The following CDH12 variants were observed in gnomAD, a reference collection of about 807,000 sequenced individuals.
CDH12 encodes cadherin-12.
In CDH12, 41 loss-of-function variants were observed where a neutral mutation model predicts 74.1. That is an observed-to-expected ratio of 0.55 (90% CI 0.43 to 0.72). The LOEUF is 0.72. CDH12 is among the 30% of genes least tolerant of loss of function. The pLI, the probability that CDH12 is intolerant of heterozygous loss-of-function variation, is 0.00. For missense variants in CDH12, 945 were observed against 977.2 expected (o/e 0.97, Z 0.44); for synonymous variants, 399 against 355.0 (o/e 1.12, Z -1.39).
rs1392944123 is a variant in CDH12 at position 22,500,343 on chromosome 5, A to G, written c.-428+4927T>C. Among the ~76,000 whole-genome samples, 3 of 152,184 alleles carry G rather than the reference A, an allele frequency of 2.0e-5. No homozygotes were observed. In the East Asian group the frequency reaches 5.8e-4, roughly 29 times the overall value. ...TTCCCTTCCTTGATTATTTGAAGTT[A>G]GAATTTTCTCATGACATTTAGCCAT... is the stretch of plus-strand genomic sequence containing the variant. On this transcript the variant is annotated intron_variant, in intron 2 of 14. Coordinates refer to ENST00000382254, the MANE Select transcript of CDH12 (RefSeq NM_004061.5).
chr5:22,368,773 T>C (rs1412595570), intron 3 of CDH12, among the ~76,000 whole-genome samples: 1 of 151,550 alleles, frequency 6.6e-6, no homozygotes, highest in Non-Finnish European at 1.5e-5. Flanking sequence ...CACAAATAAG[T>C]AAGAGGTTGA....
At chr5:22,478,413 G>C (rs1462085303) in intron 2 of CDH12, among the ~76,000 whole-genome samples, 1 of 55,650 alleles carries the variant, frequency 1.8e-5, no homozygotes, top group Non-Finnish European at 3.0e-5. Flanking sequence ...GCGAGACTCC[G>C]TCTCAAAAAA....
In CDH12 at chr5:21,890,306, C is replaced by T. The variant is rs142474321; in HGVS notation, c.527-35516G>A. On this transcript the variant is annotated intron_variant, in intron 6 of 14. Coordinates refer to ENST00000382254, the MANE Select transcript of CDH12 (RefSeq NM_004061.5). ...GTTGCTTAAAAAACAGCATATTGAA[C>T]GAATGAAACTCTTAAATCTTTCTTC... is the stretch of plus-strand genomic sequence containing the variant. Among the ~76,000 whole-genome samples, 574 of 152,050 alleles carry T rather than the reference C, an allele frequency of 3.8e-3. 9 individuals carry two copies. Among genetic ancestry groups the T allele is most frequent in the African/African-American group, 0.013 (544 of 41,498 alleles).
intron 6 of CDH12, among the ~76,000 whole-genome samples, chr5:21,859,363 G>A (rs1212388625): frequency 1.3e-5 from 2 of 151,852 alleles, no homozygotes; most frequent in Non-Finnish European, 2.9e-5. Context: ...CCCCTTATAA[G>A]AACATCAGAT....
chr5:22,270,865 A>G (rs1440578621), intron 3 of CDH12, among the ~76,000 whole-genome samples: 1 of 151,800 alleles, frequency 6.6e-6, no homozygotes, highest in African/African-American at 2.4e-5. Flanking sequence ...TAGTACAGAT[A>G]GGGTTTCACC....
chr5:22,568,498 T>C (rs972827024), intron 1 of CDH12, among the ~76,000 whole-genome samples: 4 of 152,210 alleles, frequency 2.6e-5, no homozygotes, highest in African/African-American at 7.2e-5. Flanking sequence ...TAATTTTATC[T>C]GTTAAATAGC....
chr5:22,382,197 T>A (rs1299710931), intron 3 of CDH12, among the ~76,000 whole-genome samples: 2 of 145,984 alleles, frequency 1.4e-5, no homozygotes, highest in East Asian at 2.0e-4. Flanking sequence ...ATTATTTTAT[T>A]AGATATTTAT....
At chr5:22,509,106 A>G (rs1736504072) in intron 1 of CDH12, among the ~76,000 whole-genome samples, 1 of 152,232 alleles carries the variant, frequency 6.6e-6, no homozygotes, top group Non-Finnish European at 1.5e-5. Flanking sequence ...GGCAGCAGAA[A>G]TATATACACA....
At chr5:22,093,456 T>C (rs1743554861) in intron 4 of CDH12, among the ~76,000 whole-genome samples, 1 of 152,222 alleles carries the variant, frequency 6.6e-6, no homozygotes, top group Admixed American at 6.5e-5. Context: ...GATAAAGTCC[T>C]CATGCCTGCT....
intron 3 of CDH12, among the ~76,000 whole-genome samples, chr5:22,341,167 C>A (rs771442811): frequency 1.5e-4 from 23 of 152,248 alleles, no homozygotes; most frequent in Non-Finnish European, 2.1e-4. Context: ...TGTCTCTCTG[C>A]CTGTTCATGA....
Position 22,209,328 on chromosome 5 carries a change from A to T in CDH12, c.-187+3170T>A, listed in dbSNP as rs530583551. Among the ~76,000 whole-genome samples, 6 of 152,332 alleles carry T rather than the reference A, an allele frequency of 3.9e-5. No homozygotes were observed. The South Asian group carries it at 1.2e-3, about 32-fold the overall frequency. The stretch of plus-strand genomic sequence containing the variant: ...ATGGGAAAGTTTATGTAAAGTCAGC[A>T]TAGCAAATAGGCTGCTGAATATGTA... On this transcript the variant is annotated intron_variant, in intron 4 of 14. Coordinates refer to ENST00000382254, the MANE Select transcript of CDH12 (RefSeq NM_004061.5).
intron 2 of CDH12, among the ~76,000 whole-genome samples, chr5:22,466,776 CTTTTTTTTTTTTTTTTTTTTT>C (rs70959733): frequency 2.0e-5 from 1 of 50,968 alleles, no homozygotes; most frequent in African/African-American, 8.6e-5. Flanking sequence ...CCTCAGGAAT[CTTTTTTTTTTTTTTTTTTTTT>C]TTTTTTTTTT....
chr5:22,389,225 A>G (rs1742127707), intron 3 of CDH12, among the ~76,000 whole-genome samples: 1 of 152,204 alleles, frequency 6.6e-6, no homozygotes, highest in Non-Finnish European at 1.5e-5. Context: ...GGGTGGACTT[A>G]ATATTTGGCA....
chr5:22,810,756 G>A (rs1438524660), intron 1 of CDH12, among the ~76,000 whole-genome samples: 1 of 152,056 alleles, frequency 6.6e-6, no homozygotes, highest in Non-Finnish European at 1.5e-5. Flanking sequence ...GTATACGCAT[G>A]TAGGCATGTA....
At chr5:22,409,991 A>T (rs913865581) in intron 2 of CDH12, among the ~76,000 whole-genome samples, 4 of 152,118 alleles carry the variant, frequency 2.6e-5, no homozygotes, top group Non-Finnish European at 4.4e-5. Flanking sequence ...ACATGATGAT[A>T]ATACAAATTA....
chr5:21,774,524 C>T (rs1745486553), intron 11 of CDH12: 1 of 152,126 alleles, frequency 6.6e-6, no homozygotes, highest in African/African-American at 2.4e-5. Context: ...GTCATTTCCC[C>T]TAATAAACTC....
intron 9 of CDH12, among the ~76,000 whole-genome samples, chr5:21,808,109 T>G (rs1351606223): frequency 7.2e-5 from 11 of 151,966 alleles, no homozygotes; most frequent in Non-Finnish European, 1.5e-4. Flanking sequence ...CACAAGGAAG[T>G]AGTAACTACC....
chr5:22,847,837 C>T (rs1253825936), intron 1 of CDH12, among the ~76,000 whole-genome samples: 1 of 151,902 alleles, frequency 6.6e-6, no homozygotes, highest in Non-Finnish European at 1.5e-5. Context: ...ATTTAATTCC[C>T]TTTTACTGTA....
intron 1 of CDH12, among the ~76,000 whole-genome samples, chr5:22,597,110 A>C (rs936699234): frequency 1.3e-5 from 2 of 152,170 alleles, no homozygotes; most frequent in Non-Finnish European, 2.9e-5. Context: ...CCACCCAATT[A>C]ATCAAGTTCA....
Sources: allele counts gnomAD v4.1 joint callset (sites outside exome capture counted in the v4.1 genomes callset), GRCh38; gene constraint gnomAD v4.1.1; transcripts MANE v1.5; gene names NCBI Gene and HGNC (gene_info 2026-07-23, HGNC 2026-07-21).